The following PLCG2 variants were observed in gnomAD, a reference collection of about 807,000 sequenced individuals.
PLCG2 encodes phospholipase C gamma 2, also known as 1-phosphatidylinositol 4,5-bisphosphate phosphodiesterase gamma-2.
In PLCG2, 69 loss-of-function variants were observed where a neutral mutation model predicts 175.6. That is an observed-to-expected ratio of 0.39 (90% confidence interval 0.32 to 0.48). PLCG2 has a LOEUF of 0.48. Among genes scored for constraint, PLCG2 ranks in the 20% least tolerant of loss-of-function variants. PLCG2 has a pLI of 0.91. For missense variants in PLCG2, 1,798 were observed against 1,650.9 expected (o/e 1.09, Z -1.54); for synonymous variants, 827 against 624.0 (o/e 1.33, Z -4.85).
Position 81,833,792 on chromosome 16 carries a change from C to G in PLCG2, c.194-20652C>G, listed in dbSNP as rs531240623. On this transcript the variant is annotated intron_variant, in intron 2 of 32. Transcript: ENST00000564138. ...GGAATTCCTGGGCTCGAGCTGTCCT[C>G]CTGCCTTGGCCTCCCAAAGTGGTGG... Among the ~76,000 whole-genome samples, 156 of 152,230 alleles carry G rather than the reference C, an allele frequency of 1.0e-3. 1 individual carries two copies. The highest frequency in any genetic ancestry group is 3.5e-3 in the African/African-American group (144 of 41,542).
chr16:81,830,981 A>G (rs1028396665), intron 2 of PLCG2, among the ~76,000 whole-genome samples: 1 of 152,098 alleles, frequency 6.6e-6, no homozygotes, highest in African/African-American at 2.4e-5. Flanking sequence ...TGCTCTTCCT[A>G]CAACCAACCA....
At chr16:81,818,883 A>ATTTGTTTTTTTTTTTTTTTTTTTT (rs1904669733) in intron 2 of PLCG2, among the ~76,000 whole-genome samples, 1 of 106,644 alleles carries the variant, frequency 9.4e-6, no homozygotes, top group African/African-American at 4.0e-5. Flanking sequence ...GGGCTCATGG[A>ATTTGTTTTTTTTTTTTTTTTTTTT]TTTTTTTTTT....
intron 14 of PLCG2, among the ~76,000 whole-genome samples, chr16:81,903,551 G>A (rs1218093143): frequency 2.0e-5 from 3 of 152,212 alleles, no homozygotes; most frequent in African/African-American, 4.8e-5. Flanking sequence ...ACCTGGCTGG[G>A]GTCACAAGTT....
At chr16:81,816,776 A>G (rs986628883) in intron 2 of PLCG2, among the ~76,000 whole-genome samples, 3 of 147,286 alleles carry the variant, frequency 2.0e-5, no homozygotes, top group Non-Finnish European at 4.4e-5. Context: ...TGCTGGGATT[A>G]CAGGCATTAG....
intron 13 of PLCG2, chr16:81,898,803 A>C (rs1270107334): frequency 6.6e-6 from 1 of 152,164 alleles, no homozygotes; most frequent in African/African-American, 2.4e-5. Flanking sequence ...TGGTGATGTC[A>C]GGGGATGTTC....
At chr16:81,908,830 A>G (rs58227801) in intron 17 of PLCG2, among the ~76,000 whole-genome samples, 22,063 of 152,222 alleles carry the variant, frequency 0.14, 2,244 homozygotes, top group African/African-American at 0.29. Context: ...GTAATGCAAA[A>G]AAGTCTGTGA....
At chr16:81,774,505 C>T (rs1044134684), upstream of PLCG2, among the ~76,000 whole-genome samples, 1 of 152,202 alleles carries the variant, frequency 6.6e-6, no homozygotes, top group African/African-American at 2.4e-5. Context: ...GGCCTGCCAG[C>T]CAGCAGCTGG....
chr16:81,946,529 A>G (rs1911157181), intron 31 of PLCG2, among the ~76,000 whole-genome samples: 3 of 152,046 alleles, frequency 2.0e-5, no homozygotes, highest in Admixed American at 2.0e-4. Context: ...AGTTCCCCAT[A>G]GTTTCACTTC....
chr16:81,834,823 C>A (rs138997701), intron 2 of PLCG2, among the ~76,000 whole-genome samples: 49 of 152,336 alleles, frequency 3.2e-4, no homozygotes, highest in Middle Eastern at 6.8e-3. Flanking sequence ...TGGCCATGAG[C>A]TGAGGAGTTT....
At chr16:81,890,810 T>G (rs1908597183) in intron 10 of PLCG2, among the ~76,000 whole-genome samples, 1 of 152,152 alleles carries the variant, frequency 6.6e-6, no homozygotes, top group African/African-American at 2.4e-5. Context: ...TGGATAACAC[T>G]CTGTTTCTTA....
intron 8 of PLCG2, among the ~76,000 whole-genome samples, chr16:81,881,673 C>T (rs1040881690): frequency 2.1e-4 from 32 of 152,338 alleles, no homozygotes; most frequent in African/African-American, 7.0e-4. Context: ...GAGACGGAGC[C>T]TCCCTTTGTC....
intron 21 of PLCG2, 76 bp from the exon 22 acceptor site, chr16:81,923,409 T>G: frequency 1.2e-6 from 1 of 834,466 alleles, no homozygotes; most frequent in Non-Finnish European, 2.0e-6. Context: ...AAGAACCAAA[T>G]GGTACCTGGG....
chr16:81,928,674 G>A (rs940577883), intron 24 of PLCG2, 50 bp downstream of exon 24: 1 of 1,282,022 alleles, frequency 7.8e-7, no homozygotes, highest in African/African-American at 1.5e-5. Flanking sequence ...ATCCCCCATG[G>A]GCTGACCTCA....
At chr16:81,745,172 C>A (rs1909679567) in intron 1 of PLCG2, among the ~76,000 whole-genome samples, 3 of 152,114 alleles carry the variant, frequency 2.0e-5, no homozygotes, top group Non-Finnish European at 2.9e-5. Context: ...TGTTGGGTAA[C>A]CCAGCCCAAG....
At chr16:81,829,211 C>A (rs575412474) in intron 2 of PLCG2, among the ~76,000 whole-genome samples, 1 of 152,148 alleles carries the variant, frequency 6.6e-6, no homozygotes, top group Non-Finnish European at 1.5e-5. Flanking sequence ...CGGGTTCAAG[C>A]GATTCTCCTG....
chr16:81,892,609 G>A (rs1049169702), intron 11 of PLCG2, among the ~76,000 whole-genome samples: 4 of 151,590 alleles, frequency 2.6e-5, no homozygotes, highest in Admixed American at 6.6e-5. Context: ...TTTCAGCATG[G>A]TGAATTCTAG....
chr16:81,760,029 G>C (rs1910005702), intron 2 of PLCG2, among the ~76,000 whole-genome samples: 1 of 152,224 alleles, frequency 6.6e-6, no homozygotes, highest in East Asian at 1.9e-4. Context: ...GGGAGGCTGA[G>C]GCAGGAGAAT....
chr16:81,879,044 G>T lies in PLCG2; in HGVS notation c.649-1866G>T, dbSNP rs182795575. Among the ~76,000 whole-genome samples the T allele has an allele frequency of 3.3e-5, 5 of 152,256 alleles. No homozygotes were observed. The East Asian group carries it at 7.7e-4, about 24-fold the overall frequency. On this transcript the variant is annotated intron_variant, in intron 7 of 32. Transcript: ENST00000564138. ...TGGTTCTGGGAGCATCTGTACCATGGTGGTACCTCTGCCATTGTCCGAGCT... is the reference window on the plus strand; with the variant it reads ...TGGTTCTGGGAGCATCTGTACCATGTTGGTACCTCTGCCATTGTCCGAGCT...
chr16:81,888,291 A>G (rs897604413), intron 9 of PLCG2, among the ~76,000 whole-genome samples: 9 of 151,890 alleles, frequency 5.9e-5, no homozygotes, highest in African/African-American at 2.2e-4. Context: ...GTTCATTGCA[A>G]CCTCCGCCTC....
Sources: gnomAD v4.1 joint callset for allele counts (sites outside exome capture counted in the v4.1 genomes callset) on GRCh38, gnomAD v4.1.1 for gene constraint, MANE v1.5 for transcripts, NCBI Gene and HGNC (gene_info 2026-07-23, HGNC 2026-07-21) for gene names.